CNTN4: variants seen among roughly 807,000 people sequenced by gnomAD.
The protein encoded by CNTN4 is contactin 4, also known as contactin-4.
A neutral mutation model predicts 122.5 loss-of-function variants in CNTN4; 77 were observed. That is an observed-to-expected ratio of 0.63 (90% CI 0.52 to 0.76). The LOEUF is 0.76. Among genes scored for constraint, CNTN4 ranks in the 30% least tolerant of loss-of-function variants. CNTN4 has a pLI of 0.00. For missense variants in CNTN4, 1,256 were observed against 1,259.1 expected, an observed-to-expected ratio of 1.00 and a Z score of 0.04; for synonymous variants, 512 against 447.0, an observed-to-expected ratio of 1.15 and a Z score of -1.83.
chr3:2,467,344 T>C (rs1559579345), intron 3 of CNTN4, among the ~76,000 whole-genome samples: 1 of 152,160 alleles, frequency 6.6e-6, no homozygotes, highest in Non-Finnish European at 1.5e-5. Context: ...ACTGTAAATG[T>C]TAATTATATT....
In CNTN4 at chr3:2,938,763, G is replaced by C. The variant is rs1275514843; in HGVS notation, c.1358+12984G>C. Among the ~76,000 whole-genome samples, 4 of 152,156 alleles carry C rather than the reference G, an allele frequency of 2.6e-5. No individual in the cohort carries two copies. The East Asian group carries it at 7.7e-4, about 29-fold the overall frequency. On this transcript the variant is annotated intron_variant, in intron 13 of 24. Transcript: ENST00000418658. ...GTAGGATGGTCTGATTTCAGGGCTGGGTTAGAACCATGTAAACCCTTTGGA... is the reference window on the plus strand; with the variant it reads ...GTAGGATGGTCTGATTTCAGGGCTGCGTTAGAACCATGTAAACCCTTTGGA...
chr3:2,565,791 T>A (rs978626375), intron 3 of CNTN4, among the ~76,000 whole-genome samples: 1 of 152,228 alleles, frequency 6.6e-6, no homozygotes, highest in Admixed American at 6.5e-5. Context: ...CATTTCTGTT[T>A]CCCGCTTCCT....
chr3:2,260,386 TGAG>T (rs2040783569), intron 2 of CNTN4, among the ~76,000 whole-genome samples: 1 of 152,116 alleles, frequency 6.6e-6, no homozygotes, highest in African/African-American at 2.4e-5. Context: ...TGCCCATGGT[TGAG>T]AACCTCCGGA....
intron 3 of CNTN4, among the ~76,000 whole-genome samples, chr3:2,378,059 A>G (rs537414799): frequency 1.3e-5 from 2 of 152,390 alleles, no homozygotes; most frequent in East Asian, 1.9e-4. Context: ...TTGGAATAAT[A>G]TAAACTAAGT....
At chr3:2,700,190 C>T (rs747802499) in intron 4 of CNTN4, among the ~76,000 whole-genome samples, 5 of 152,108 alleles carry the variant, frequency 3.3e-5, no homozygotes, top group East Asian at 1.9e-4. Context: ...GATACAAAGC[C>T]GTTCTTAGAC....
chr3:2,625,970 G>C (rs1292469764), intron 4 of CNTN4, among the ~76,000 whole-genome samples: 1 of 152,134 alleles, frequency 6.6e-6, no homozygotes, highest in Non-Finnish European at 1.5e-5. Flanking sequence ...GACAGTGTCA[G>C]ACTTTTGCCT....
intron 3 of CNTN4, among the ~76,000 whole-genome samples, chr3:2,388,789 G>C (rs1163479266): frequency 4.7e-5 from 7 of 149,592 alleles, no homozygotes. Flanking sequence ...AGGTTGCAGT[G>C]AACCGAGATC....
chr3:2,294,392 A>C (rs544733348), intron 2 of CNTN4, among the ~76,000 whole-genome samples: 1 of 150,976 alleles, frequency 6.6e-6, no homozygotes, highest in East Asian at 2.0e-4. Context: ...GCACTCTGGG[A>C]GGCCAAAGCT....
intron 7 of CNTN4, among the ~76,000 whole-genome samples, chr3:2,860,427 G>T (rs1329032871): frequency 2.6e-5 from 4 of 152,138 alleles, no homozygotes; most frequent in Non-Finnish European, 5.9e-5. Flanking sequence ...CTGAACCCTG[G>T]ATGGTCCTGC....
chr3:2,324,368 C>T (rs1274372239), intron 2 of CNTN4, among the ~76,000 whole-genome samples: 3 of 152,136 alleles, frequency 2.0e-5, no homozygotes, highest in African/African-American at 7.2e-5. Context: ...TTTTGTTCTA[C>T]ATAACATATA....
At chr3:2,700,676 A>G (rs2086305655) in intron 4 of CNTN4, among the ~76,000 whole-genome samples, 1 of 151,598 alleles carries the variant, frequency 6.6e-6, no homozygotes, top group Admixed American at 6.6e-5. Context: ...AAAGGATTTT[A>G]TCATCTATAT....
chr3:2,803,002 G>C (rs2092384275), intron 6 of CNTN4, among the ~76,000 whole-genome samples: 1 of 152,110 alleles, frequency 6.6e-6, no homozygotes, highest in Non-Finnish European at 1.5e-5. Context: ...ATACCAGAGA[G>C]TGAAAAAGAC....
chr3:2,302,373 A>G (rs2042556433), intron 2 of CNTN4, among the ~76,000 whole-genome samples: 1 of 152,194 alleles, frequency 6.6e-6, no homozygotes, highest in African/African-American at 2.4e-5. Context: ...GTTTACAGTG[A>G]GCTGAGATCG....
At chr3:2,929,521 A>G (rs2094501655) in intron 13 of CNTN4, among the ~76,000 whole-genome samples, 1 of 152,186 alleles carries the variant, frequency 6.6e-6, no homozygotes, top group African/African-American at 2.4e-5. Context: ...AGGACAAACG[A>G]GAATTCATTG....
At chr3:2,901,681 A>G (rs1263684278) in intron 11 of CNTN4, among the ~76,000 whole-genome samples, 1 of 152,184 alleles carries the variant, frequency 6.6e-6, no homozygotes, top group East Asian at 1.9e-4. Context: ...CCAATCACTG[A>G]GAGAGTGAGT....
At chr3:2,862,887 G>C (rs1479551666) in intron 7 of CNTN4, among the ~76,000 whole-genome samples, 1 of 152,130 alleles carries the variant, frequency 6.6e-6, no homozygotes, top group Non-Finnish European at 1.5e-5. Context: ...TATATTGAGC[G>C]ATATAAAAAT....
intron 4 of CNTN4, among the ~76,000 whole-genome samples, chr3:2,638,514 A>G (rs2082765036): frequency 6.6e-6 from 1 of 152,088 alleles, no homozygotes; most frequent in Non-Finnish European, 1.5e-5. Flanking sequence ...ACTTTCTGAC[A>G]CACATTCAGA....
intron 6 of CNTN4, among the ~76,000 whole-genome samples, chr3:2,771,775 T>C (rs2091111997): frequency 6.6e-6 from 1 of 152,132 alleles, no homozygotes; most frequent in African/African-American, 2.4e-5. Flanking sequence ...TATTATGTGG[T>C]AAATGAAAAG....
intron 17 of CNTN4, among the ~76,000 whole-genome samples, chr3:3,035,095 C>A (rs1699485968): frequency 6.6e-6 from 1 of 151,908 alleles, no homozygotes; most frequent in South Asian, 2.1e-4. Flanking sequence ...ATCGCGTGAG[C>A]CCAGGAGTTC....
Sources: allele counts gnomAD v4.1 joint callset (sites outside exome capture counted in the v4.1 genomes callset), GRCh38; gene constraint gnomAD v4.1.1; transcripts MANE v1.5; gene names NCBI Gene and HGNC (gene_info 2026-07-23, HGNC 2026-07-21).